TRMT11: variants seen among roughly 807,000 people sequenced by gnomAD.
The protein encoded by TRMT11 is tRNA (guanine(10)-N(2))-methyltransferase TRMT11.
Under a neutral mutation model 62.8 loss-of-function variants are expected in TRMT11, and 53 were observed. The observed-to-expected ratio is 0.84, with a 90% CI of 0.68 to 1.06. The LOEUF is 1.06. TRMT11 is among the 50% of genes least tolerant of loss of function. TRMT11 has a pLI of 0.00. For synonymous variants in TRMT11, 188 were observed against 190.3 expected, an observed-to-expected ratio of 0.99 and a Z score of 0.10; for missense variants, 556 against 553.4, an observed-to-expected ratio of 1.00 and a Z score of -0.05.
intron 3 of TRMT11, among the ~76,000 whole-genome samples, chr6:126,200,705 C>T (rs1338918200): frequency 6.6e-6 from 1 of 152,194 alleles, no homozygotes; most frequent in Non-Finnish European, 1.5e-5. Flanking sequence ...CAGGCGCCTA[C>T]CACCACGCCT....
intron 17 of TRMT11, among the ~76,000 whole-genome samples, chr6:126,093,606 TATATATATATATATA>T (rs1323476415): frequency 6.7e-5 from 6 of 89,340 alleles, no homozygotes; most frequent in Admixed American, 2.9e-4. Context: ...TATATATATA[TATATATATATATATA>T]TATATATATA....
intron 3 of TRMT11, among the ~76,000 whole-genome samples, chr6:125,997,624 C>T (rs189651392): frequency 5.3e-5 from 8 of 152,358 alleles, no homozygotes; most frequent in Non-Finnish European, 1.2e-4. Flanking sequence ...CCTCCCACCT[C>T]AGCCTCCCAA....
chr6:126,239,162 A>G, the TRMT11 span, among the ~76,000 whole-genome samples: 3 of 152,008 alleles, frequency 2.0e-5, no homozygotes, highest in African/African-American at 7.2e-5. Flanking sequence ...TGACTATCCA[A>G]TTTGCCAGTC....
At chr6:126,165,241 T>C (rs1778244936) in intron 21 of TRMT11, among the ~76,000 whole-genome samples, 1 of 150,882 alleles carries the variant, frequency 6.6e-6, no homozygotes, top group Non-Finnish European at 1.5e-5. Flanking sequence ...TGGGTGCCAC[T>C]GTACTCCAGC....
intron 16 of TRMT11, among the ~76,000 whole-genome samples, chr6:126,045,877 A>C (rs902205431): frequency 6.6e-6 from 1 of 152,142 alleles, no homozygotes; most frequent in African/African-American, 2.4e-5. Context: ...TGCCAGACTT[A>C]ATATCCATTC....
intron 11 of TRMT11, 69 bp downstream of exon 11, chr6:126,013,170 T>C (rs1794491346): frequency 1.4e-6 from 2 of 1,402,434 alleles, no homozygotes; most frequent in African/African-American, 1.5e-5. Flanking sequence ...TATAATTTTC[T>C]CTTTATCTCT....
At chr6:126,215,401 A>G in the TRMT11 span, among the ~76,000 whole-genome samples, 1 of 151,962 alleles carries the variant, frequency 6.6e-6, no homozygotes, top group South Asian at 2.1e-4. Flanking sequence ...AGTTGTTTTT[A>G]AGCTCTTGCT....
chr6:126,140,703 A>G (rs1279278535), intron 21 of TRMT11, among the ~76,000 whole-genome samples: 1 of 152,082 alleles, frequency 6.6e-6, no homozygotes, highest in African/African-American at 2.4e-5. Context: ...GGGCAGAGAA[A>G]TTGTTCTACT....
At chr6:126,175,706 T>C (rs1778377795), upstream of TRMT11, among the ~76,000 whole-genome samples, 1 of 152,216 alleles carries the variant, frequency 6.6e-6, no homozygotes, top group African/African-American at 2.4e-5. Context: ...TAGTTACTAT[T>C]AGAAAGCATG....
At chr6:126,165,877 T>C (rs113091779) in intron 21 of TRMT11, among the ~76,000 whole-genome samples, 1,883 of 152,322 alleles carry the variant, frequency 0.012, 48 homozygotes, top group African/African-American at 0.042. Context: ...TGAAGTGTGT[T>C]TTCCAAGTTG....
At chr6:126,271,363 CAAAAAAAAAAAAA>C in the TRMT11 span, among the ~76,000 whole-genome samples, 9 of 36,266 alleles carry the variant, frequency 2.5e-4, no homozygotes, top group Non-Finnish European at 1.5e-4. Flanking sequence ...GACTCCATCT[CAAAAAAAAAAAAA>C]AAAAAAAAAA....
intron 17 of TRMT11, among the ~76,000 whole-genome samples, chr6:126,093,627 A>ATTTTTTTTTTTTT (rs1343339966): frequency 1.1e-5 from 1 of 94,636 alleles, no homozygotes; most frequent in African/African-American, 4.7e-5. Flanking sequence ...ATATATATAT[A>ATTTTTTTTTTTTT]TATATTTTCC....
intron 17 of TRMT11, among the ~76,000 whole-genome samples, chr6:126,081,934 C>G (rs1177818992): frequency 6.6e-6 from 1 of 152,156 alleles, no homozygotes; most frequent in Non-Finnish European, 1.5e-5. Context: ...AATCTGTGCT[C>G]TCTTCTTCAA....
chr6:126,029,732 C>T (rs972930587), intron 12 of TRMT11, among the ~76,000 whole-genome samples: 1 of 152,050 alleles, frequency 6.6e-6, no homozygotes, highest in Non-Finnish European at 1.5e-5. Flanking sequence ...GATACAGTAA[C>T]TAACAAGTCA....
the TRMT11 span, among the ~76,000 whole-genome samples, chr6:126,254,452 A>C: frequency 6.6e-5 from 10 of 152,244 alleles, no homozygotes; most frequent in Non-Finnish European, 1.5e-4. Context: ...TGTACCAAGC[A>C]CTGTGCCATG....
At position 126,012,100 on chromosome 6, in the gene TRMT11, CT is replaced by C. The variant is rs545882947; in HGVS notation, c.926-668del. Among the ~76,000 whole-genome samples the C allele has an allele frequency of 1.8e-4, 27 of 152,184 alleles. No homozygotes were observed. The South Asian group carries it at 5.6e-3, about 32-fold the overall frequency. The stretch of plus-strand genomic sequence containing the variant: ...CCTTCTATCTCAGCTCTCTTTAGTT[CT>C]TTACTAACTTAGATTTTGTCAAATG... On this transcript the variant is annotated intron_variant, in intron 9 of 12. Transcript: ENST00000334379.
chr6:126,175,445 T>A (rs574943683), upstream of TRMT11, among the ~76,000 whole-genome samples: 4 of 152,132 alleles, frequency 2.6e-5, no homozygotes, highest in East Asian at 7.7e-4. Context: ...GTAGCAAGAG[T>A]TAGTTTATTT....
chr6:126,204,573 CTGTACT>C (rs532612784), downstream of TRMT11, among the ~76,000 whole-genome samples: 3,724 of 152,294 alleles, frequency 0.024, 72 homozygotes, highest in Middle Eastern at 0.065. Context: ...ATCAGCCTGT[CTGTACT>C]TATATGTATG....
At chr6:126,134,794 A>G (rs964800693) in intron 21 of TRMT11, among the ~76,000 whole-genome samples, 2 of 151,888 alleles carry the variant, frequency 1.3e-5, no homozygotes, top group African/African-American at 2.4e-5. Flanking sequence ...TATCAAGTAT[A>G]TTTTCTGAAC....
Sources: gnomAD v4.1 joint callset for allele counts (sites outside exome capture counted in the v4.1 genomes callset) on GRCh38, gnomAD v4.1.1 for gene constraint, MANE v1.5 for transcripts, NCBI Gene and HGNC (gene_info 2026-07-23, HGNC 2026-07-21) for gene names.